The following BCAR3 variants were observed in gnomAD, a reference collection of about 807,000 sequenced individuals.
BCAR3 encodes BCAR3 adaptor protein, NSP family member, also known as breast cancer anti-estrogen resistance protein 3.
Under a neutral mutation model 80.1 loss-of-function variants are expected in BCAR3, and 37 were observed. That is an observed-to-expected ratio of 0.46 (90% CI 0.36 to 0.61). The LOEUF is 0.61. BCAR3 is among the 20% of genes least tolerant of loss of function. The probability of loss-of-function intolerance (pLI) is 0.00; values close to 1 mark genes in which losing one functional copy is unlikely to be tolerated. For missense variants in BCAR3, 978 were observed against 1,068.2 expected, an observed-to-expected ratio of 0.92 and a Z score of 1.18; for synonymous variants, 389 against 418.9, an observed-to-expected ratio of 0.93 and a Z score of 0.87.
At chr1:93,608,026 G>C (rs938717342) in intron 3 of BCAR3, among the ~76,000 whole-genome samples, 4 of 152,186 alleles carry the variant, frequency 2.6e-5, no homozygotes, top group African/African-American at 9.7e-5. Context: ...AGGCTGGATG[G>C]ATAGTTCCTC....
At chr1:93,769,399 G>A (rs1033843775) in intron 2 of BCAR3, among the ~76,000 whole-genome samples, 10 of 144,168 alleles carry the variant, frequency 6.9e-5, no homozygotes, top group Admixed American at 1.4e-4. Context: ...GTGTGTGTGT[G>A]TGTGTGTGTC....
At chr1:93,716,414 A>G (rs531149812) in intron 2 of BCAR3, among the ~76,000 whole-genome samples, 25 of 152,286 alleles carry the variant, frequency 1.6e-4, no homozygotes, top group African/African-American at 5.3e-4. Context: ...TAAAACACCA[A>G]TTTCTCTGCT....
intron 2 of BCAR3, among the ~76,000 whole-genome samples, chr1:93,778,002 T>C (rs1325476995): frequency 2.0e-5 from 3 of 152,228 alleles, no homozygotes; most frequent in African/African-American, 7.2e-5. Flanking sequence ...ATATTAACAT[T>C]GTCCCATTTG....
At chr1:93,769,146 A>C (rs1652260684) in intron 2 of BCAR3, among the ~76,000 whole-genome samples, 1 of 152,122 alleles carries the variant, frequency 6.6e-6, no homozygotes, top group Non-Finnish European at 1.5e-5. Context: ...ACTTCCCGAA[A>C]AGCACAGCTG....
intron 2 of BCAR3, among the ~76,000 whole-genome samples, chr1:93,673,073 T>C (rs1489737887): frequency 6.6e-6 from 1 of 152,204 alleles, no homozygotes; most frequent in African/African-American, 2.4e-5. Context: ...CTTTCCCTCA[T>C]TATACAAATA....
At chr1:93,750,473 C>T (rs1280867315) in intron 2 of BCAR3, among the ~76,000 whole-genome samples, 3 of 152,218 alleles carry the variant, frequency 2.0e-5, no homozygotes, top group South Asian at 2.1e-4. Flanking sequence ...GTCACTATGA[C>T]GGTTTTAAAA....
At chr1:93,614,448 G>A (rs1262205509) in intron 3 of BCAR3, among the ~76,000 whole-genome samples, 1 of 152,014 alleles carries the variant, frequency 6.6e-6, no homozygotes, top group Non-Finnish European at 1.5e-5. Context: ...ATGAACAGAG[G>A]CTCCTTTGAG....
chr1:93,600,675 T>G (rs1674593859), intron 3 of BCAR3: 1 of 152,168 alleles, frequency 6.6e-6, no homozygotes, highest in South Asian at 2.1e-4. Flanking sequence ...GCAGGAACCT[T>G]CCATGGCTCC....
At chr1:93,649,311 C>A (rs1676248088) in intron 2 of BCAR3, among the ~76,000 whole-genome samples, 1 of 152,190 alleles carries the variant, frequency 6.6e-6, no homozygotes, top group Non-Finnish European at 1.5e-5. Flanking sequence ...GCACAGGACA[C>A]CTTGTCTTGA....
intron 3 of BCAR3, among the ~76,000 whole-genome samples, chr1:93,611,097 C>T (rs1674935408): frequency 6.6e-6 from 1 of 152,108 alleles, no homozygotes; most frequent in Non-Finnish European, 1.5e-5. Context: ...TCCAGTGAGA[C>T]AAAGTTGTTG....
At chr1:93,727,186 C>G (rs1173201453) in intron 2 of BCAR3, among the ~76,000 whole-genome samples, 3 of 152,158 alleles carry the variant, frequency 2.0e-5, no homozygotes, top group African/African-American at 7.2e-5. Context: ...TGCTTTCCTG[C>G]AGAGGGAGTT....
At chr1:93,780,788 TA>T (rs1329956925) in intron 2 of BCAR3, among the ~76,000 whole-genome samples, 1 of 152,038 alleles carries the variant, frequency 6.6e-6, no homozygotes, top group Non-Finnish European at 1.5e-5. Context: ...CTAAGAAGAG[TA>T]AAAAACCTCA....
intron 11 of BCAR3, 138 bp from the exon 12 acceptor site, chr1:93,562,557 C>G (rs570600078): frequency 1.7e-4 from 113 of 647,200 alleles, no homozygotes; most frequent in Non-Finnish European, 2.6e-4. Flanking sequence ...ATCACAAGAT[C>G]AGGAGATCGA....
chr1:93,833,770 G>T (rs867731340), intron 2 of BCAR3, among the ~76,000 whole-genome samples: 2 of 152,082 alleles, frequency 1.3e-5, no homozygotes, highest in South Asian at 4.1e-4. Context: ...ATTTCATATT[G>T]TTCAAACACA....
chr1:93,744,877 A>G (rs1651302750), intron 2 of BCAR3, among the ~76,000 whole-genome samples: 1 of 152,218 alleles, frequency 6.6e-6, no homozygotes, highest in Admixed American at 6.5e-5. Context: ...ACTACAAATG[A>G]AAGAGATTTG....
chr1:93,708,626 TG>T (rs960230253), intron 2 of BCAR3, among the ~76,000 whole-genome samples: 1 of 152,222 alleles, frequency 6.6e-6, no homozygotes, highest in Middle Eastern at 3.2e-3. Flanking sequence ...AATAAAACTT[TG>T]GGCTCACAGA....
In BCAR3 at chr1:93,790,349, G is replaced by A. The variant is rs185589344; in HGVS notation, c.-63+55218C>T. Among the ~76,000 whole-genome samples the A allele has an allele frequency of 1.4e-3, 207 of 152,196 alleles. 2 individuals carry two copies. The highest frequency in any genetic ancestry group is 4.7e-3 in the African/African-American group (195 of 41,538). On this transcript the variant is annotated intron_variant, in intron 2 of 13. Transcript: ENST00000370244. ...CTTATATATGTACTTTTTTATATAT[G>A]TGAGTTGATTTATCCAGAACTGTAA...
At chr1:93,797,175 T>C (rs369309341) in intron 2 of BCAR3, among the ~76,000 whole-genome samples, 2 of 152,238 alleles carry the variant, frequency 1.3e-5, no homozygotes, top group African/African-American at 4.8e-5. Flanking sequence ...CCATGCTTTT[T>C]CTGATTGTTG....
At chr1:93,566,136 C>T (rs918231016) in intron 11 of BCAR3, among the ~76,000 whole-genome samples, 2 of 152,156 alleles carry the variant, frequency 1.3e-5, no homozygotes, top group African/African-American at 2.4e-5. Context: ...CTGCACCTCC[C>T]TCTGTAGCCT....
Sources: gnomAD v4.1 joint callset for allele counts (sites outside exome capture counted in the v4.1 genomes callset) on GRCh38, gnomAD v4.1.1 for gene constraint, MANE v1.5 for transcripts, NCBI Gene and HGNC (gene_info 2026-07-23, HGNC 2026-07-21) for gene names.